PKNOX2: variants seen among roughly 807,000 people sequenced by gnomAD.
PKNOX2 encodes the protein homeobox protein PKNOX2.
In PKNOX2, 14 loss-of-function variants were observed where a neutral mutation model predicts 53.1. The observed-to-expected ratio is 0.26, with a 90% confidence interval of 0.17 to 0.41. The LOEUF is 0.41. Among genes scored for constraint, PKNOX2 ranks in the 10% least tolerant of loss-of-function variants. The pLI is 1.00. For synonymous variants in PKNOX2, 257 were observed against 242.8 expected (o/e 1.06, Z -0.54); for missense variants, 496 against 602.8 (o/e 0.82, Z 1.85).
At chr11:125,376,381 C>G (rs1434544242) in intron 5 of PKNOX2, among the ~76,000 whole-genome samples, 1 of 152,170 alleles carries the variant, frequency 6.6e-6, no homozygotes, top group Non-Finnish European at 1.5e-5. Context: ...CTGGCTCGCT[C>G]CCACCCCCCT....
At chr11:125,223,188 A>G (rs1296239616) in intron 1 of PKNOX2, among the ~76,000 whole-genome samples, 1 of 150,286 alleles carries the variant, frequency 6.7e-6, no homozygotes, top group African/African-American at 2.5e-5. Flanking sequence ...AACCCTCCAT[A>G]CCTCAGTTTA....
intron 1 of PKNOX2, among the ~76,000 whole-genome samples, chr11:125,203,265 G>A (rs759875102): frequency 6.6e-6 from 1 of 152,142 alleles, no homozygotes; most frequent in Non-Finnish European, 1.5e-5. Flanking sequence ...CCACAAGTGC[G>A]CTAATTTAAA....
At chr11:125,427,835 C>A (rs547283092) in intron 10 of PKNOX2, among the ~76,000 whole-genome samples, 1 of 152,152 alleles carries the variant, frequency 6.6e-6, no homozygotes, top group Non-Finnish European at 1.5e-5. Context: ...TTCGCCACAC[C>A]TTAATTGCAT....
In PKNOX2 at chr11:125,379,346, A is replaced by G. The variant is rs1028572605; in HGVS notation, c.228-6205A>G. Among the ~76,000 whole-genome samples the G allele has an allele frequency of 7.9e-5, 12 of 152,326 alleles. No individual in the cohort carries two copies. In the South Asian group the frequency reaches 1.2e-3, roughly 16 times the overall value. Reference sequence around the variant, plus strand: ...CAAAGCGCTGGGGATTACAGGCGTGAGCCACCATGCCCAGCCAAGGACCCA... The same window carrying G: ...CAAAGCGCTGGGGATTACAGGCGTGGGCCACCATGCCCAGCCAAGGACCCA... On this transcript the variant is annotated intron_variant, in intron 5 of 12. Coordinates refer to ENST00000298282, the MANE Select transcript of PKNOX2 (RefSeq NM_001382323.2).
intron 2 of PKNOX2, among the ~76,000 whole-genome samples, chr11:125,286,160 G>A (rs1256556504): frequency 6.6e-6 from 1 of 152,194 alleles, no homozygotes; most frequent in Non-Finnish European, 1.5e-5. Flanking sequence ...ACTTGTGGAT[G>A]CACGGGAAGA....
intron 2 of PKNOX2, among the ~76,000 whole-genome samples, chr11:125,283,847 TG>T (rs1319746667): frequency 6.6e-6 from 1 of 152,126 alleles, no homozygotes; most frequent in African/African-American, 2.4e-5. Context: ...TTTCTGAAGG[TG>T]GGAAATCAGT....
In PKNOX2 at chr11:125,311,840, AC is replaced by A. The variant is rs540952202; in HGVS notation, c.-129-19978del. ...TTCTTCCTCTGTGATCCTTAAAAAA[AC>A]ATTTTTTAAAAAATTTTTGACATCA... On this transcript the variant is annotated intron_variant, in intron 2 of 12. Transcript: ENST00000298282. Among the ~76,000 whole-genome samples the A allele has an allele frequency of 2.0e-3, 312 of 152,328 alleles. 2 individuals carry two copies. The highest frequency in any genetic ancestry group is 6.4e-3 in the African/African-American group (268 of 41,570).
chr11:125,376,102 G>A lies in PKNOX2; in HGVS notation c.227+8117G>A, dbSNP rs560018808. ...TTAATGTGCCGGGAGGAGTGTGTGC[G>A]TGCATGTGTCTGAAGGGAGGAGGGC... On this transcript the variant is annotated intron_variant, in intron 5 of 12. Transcript: ENST00000298282. Among the ~76,000 whole-genome samples the A allele has an allele frequency of 3.9e-5, 6 of 152,254 alleles. No individual in the cohort carries two copies. The East Asian group carries it at 5.8e-4, about 15-fold the overall frequency.
chr11:125,393,023 G>T (rs902430056), intron 6 of PKNOX2, among the ~76,000 whole-genome samples: 1 of 151,846 alleles, frequency 6.6e-6, no homozygotes, highest in Non-Finnish European at 1.5e-5. Flanking sequence ...AAATTAGCCC[G>T]GCGTGGTGGC....
intron 1 of PKNOX2, among the ~76,000 whole-genome samples, chr11:125,201,920 C>G (rs1938487851): frequency 6.6e-6 from 1 of 152,218 alleles, no homozygotes; most frequent in Admixed American, 6.5e-5. Context: ...GGGTCACGAG[C>G]TGCCTTGTGG....
At chr11:125,272,762 G>T (rs1945888384) in intron 2 of PKNOX2, among the ~76,000 whole-genome samples, 1 of 152,188 alleles carries the variant, frequency 6.6e-6, no homozygotes, top group Non-Finnish European at 1.5e-5. Context: ...GACTCCCAGT[G>T]CCTCACAGGT....
chr11:125,306,354 G>T (rs903646853), intron 2 of PKNOX2, among the ~76,000 whole-genome samples: 2 of 152,126 alleles, frequency 1.3e-5, no homozygotes, highest in Admixed American at 1.3e-4. Context: ...CACCCCCCAG[G>T]GAGCTCACTG....
intron 6 of PKNOX2, among the ~76,000 whole-genome samples, chr11:125,390,523 A>T (rs539088995): frequency 6.6e-6 from 1 of 152,348 alleles, no homozygotes; most frequent in Admixed American, 6.5e-5. Context: ...CAGCTTAGAG[A>T]TTATGTAAAT....
At chr11:125,368,009 T>C in intron 5 of PKNOX2, 24 bp downstream of exon 5, 3 of 1,605,878 alleles carry the variant, frequency 1.9e-6, no homozygotes, top group Non-Finnish European at 2.6e-6. Flanking sequence ...CAGCTGTGTC[T>C]ACAGCCCTCA....
chr11:125,230,679 G>T (rs1012494043), intron 1 of PKNOX2, among the ~76,000 whole-genome samples: 1 of 152,192 alleles, frequency 6.6e-6, no homozygotes, highest in Non-Finnish European at 1.5e-5. Context: ...AACTTGTCAT[G>T]GGCAGTAGGA....
intron 2 of PKNOX2, among the ~76,000 whole-genome samples, chr11:125,251,748 C>T (rs1944018563): frequency 6.7e-6 from 1 of 149,650 alleles, no homozygotes. Context: ...TTCATGCCTC[C>T]ATCCTGTGTT....
intron 2 of PKNOX2, among the ~76,000 whole-genome samples, chr11:125,257,217 C>T (rs1042490551): frequency 1.3e-5 from 2 of 152,220 alleles, no homozygotes; most frequent in Admixed American, 6.5e-5. Flanking sequence ...TACATTAAAA[C>T]TCAGCACTAG....
intron 1 of PKNOX2, among the ~76,000 whole-genome samples, chr11:125,227,157 C>G (rs964733858): frequency 3.9e-5 from 6 of 152,098 alleles, no homozygotes; most frequent in Admixed American, 1.3e-4. Context: ...TTTAAGCACC[C>G]CTGATAGCTC....
intron 2 of PKNOX2, chr11:125,330,482 G>A (rs988813254): frequency 1.3e-5 from 2 of 152,178 alleles, no homozygotes; most frequent in Non-Finnish European, 1.5e-5. Context: ...GGAGCCTGGG[G>A]TGCAAAGAAG....
Sources: allele counts gnomAD v4.1 joint callset (sites outside exome capture counted in the v4.1 genomes callset), GRCh38; gene constraint gnomAD v4.1.1; transcripts MANE v1.5; gene names NCBI Gene and HGNC (gene_info 2026-07-23, HGNC 2026-07-21).